Variants in UGT1A3 observed in about 807,000 individuals in gnomAD.
The protein encoded by UGT1A3 is UDP-glucuronosyltransferase 1A3.
Under a neutral mutation model 41.0 loss-of-function variants are expected in UGT1A3, and 31 were observed. That is an observed-to-expected ratio of 0.76 (90% CI 0.57 to 1.02). The LOEUF is 1.02. Among genes scored for constraint, UGT1A3 ranks in the 50% least tolerant of loss-of-function variants. UGT1A3 has a pLI of 0.00. For synonymous variants in UGT1A3, 262 were observed against 257.6 expected, an observed-to-expected ratio of 1.02 and a Z score of -0.17; for missense variants, 737 against 671.0, an observed-to-expected ratio of 1.10 and a Z score of -1.09.
At position 233,767,872 on chromosome 2, in the gene UGT1A3, C is replaced by G. The variant is rs997427896; in HGVS notation, c.1023C>G (p.Thr341=). The G allele has an allele frequency of 2.5e-6, 4 of 1,614,024 alleles. No homozygotes were observed. The highest frequency in any genetic ancestry group is 3.4e-6 in the Non-Finnish European group (4 of 1,180,044). ...PQTVLWRYTG[T]RPSNLANNTI... is the part of the protein sequence containing the mutation. The stretch of plus-strand genomic sequence containing the variant: ...AGGTCCTGTGGCGGTACACTGGAAC[C>G]CGACCATCGAATCTTGCGAACAACA... Residue 341 remains threonine (T), a synonymous_variant, in exon 3 of 5, where the codon ACC becomes ACG. Coordinates refer to ENST00000482026, the MANE Select transcript of UGT1A3 (RefSeq NM_019093.4).
chr2:233,743,976 C>T (rs2125858385), intron 1 of UGT1A3: 2 of 1,312,500 alleles, frequency 1.5e-6, no homozygotes, highest in African/African-American at 1.5e-5. Context: ...GCTGCCAGCA[C>T]CCAGGCGCAG....
At chr2:233,747,436 T>C (rs1449782015) in intron 1 of UGT1A3, 22 of 1,608,824 alleles carry the variant, frequency 1.4e-5, no homozygotes, top group African/African-American at 2.7e-5. Flanking sequence ...GAGAAATTTT[T>C]CACCCTGACA....
chr2:233,740,352 A>G (rs2125828871), intron 1 of UGT1A3, among the ~76,000 whole-genome samples: 1 of 152,070 alleles, frequency 6.6e-6, no homozygotes, highest in South Asian at 2.1e-4. Flanking sequence ...AGAAAGTGGA[A>G]TTAGAAATTC....
intron 1 of UGT1A3, chr2:233,755,008 C>T (rs1695684715): frequency 3.1e-6 from 4 of 1,292,406 alleles, no homozygotes; most frequent in African/African-American, 1.5e-5. Context: ...AAGACCTACT[C>T]GAAGGGGTCC....
intron 1 of UGT1A3, among the ~76,000 whole-genome samples, chr2:233,737,200 G>A (rs1173255293): frequency 1.3e-5 from 2 of 152,180 alleles, no homozygotes; most frequent in African/African-American, 4.8e-5. Context: ...GCTGAGCTGC[G>A]GTGGACTCTG....
At chr2:233,747,833 C>T (rs1236031323) in intron 1 of UGT1A3, 1 of 1,613,530 alleles carries the variant, frequency 6.2e-7, no homozygotes, top group Non-Finnish European at 8.5e-7. Context: ...ACATGACATT[C>T]CTGCAAAGGG....
chr2:233,771,170 G>A (rs1309098130), intron 4 of UGT1A3: 1 of 152,100 alleles, frequency 6.6e-6, no homozygotes, highest in African/African-American at 2.4e-5. Flanking sequence ...CCAGCACTGG[G>A]GATTACAATT....
rs367562116 is a variant in UGT1A3, at chr2:233,765,371, G to A, written c.868-1663G>A. On this transcript the variant is annotated intron_variant, in intron 1 of 4. Coordinates refer to ENST00000482026, the MANE Select transcript of UGT1A3 (RefSeq NM_019093.4). Reference sequence around the variant, plus strand: ...GGAACCAACCCAGATGCCCATCAATGGTAGATTGGATAAAGAAAATGTGGT... The same window carrying A: ...GGAACCAACCCAGATGCCCATCAATAGTAGATTGGATAAAGAAAATGTGGT... Among the ~76,000 whole-genome samples, 7 of 152,230 alleles carry A rather than the reference G, an allele frequency of 4.6e-5. No homozygotes were observed. In the South Asian group the frequency reaches 1.0e-3, roughly 23 times the overall value.
chr2:233,769,716 A>G lies in UGT1A3; in HGVS notation c.1307+1277A>G, dbSNP rs1255233011. 6.7e-7 allele frequency: 1 copy of G among 1,492,612 alleles called. No individual in the cohort carries two copies. Among genetic ancestry groups the G allele is most frequent in the East Asian group, 2.5e-5 (1 of 40,446 alleles). The allele number at this position is 1,492,612 out of a possible 1,614,324, so 92.5% of individuals were successfully genotyped here. A position where few individuals can be genotyped will look rare whatever the true frequency, so the allele number is the denominator to read the frequency against. Reference sequence around the variant, plus strand: ...GATAAAAGATCAATGTTGGCTAGGCACCATGGCACACGCCTGTAGTCCCAG... The same window carrying G: ...GATAAAAGATCAATGTTGGCTAGGCGCCATGGCACACGCCTGTAGTCCCAG... On this transcript the variant is annotated intron_variant, in intron 4 of 4. Coordinates refer to ENST00000482026, the MANE Select transcript of UGT1A3 (RefSeq NM_019093.4). The surrounding 1 kb of genome is among the most constrained non-coding windows in gnomAD (Gnocchi z 4.4).
intron 1 of UGT1A3, chr2:233,747,193 C>T (rs1693585956): frequency 1.9e-6 from 3 of 1,603,982 alleles, no homozygotes; most frequent in Non-Finnish European, 2.6e-6. Flanking sequence ...GGACAGTCAG[C>T]TGTCCGTGTC....
At chr2:233,737,915 A>C (rs986485881) in intron 1 of UGT1A3, among the ~76,000 whole-genome samples, 8 of 152,040 alleles carry the variant, frequency 5.3e-5, no homozygotes, top group Non-Finnish European at 8.8e-5. Context: ...AGAACAGGCT[A>C]GTGTATTTAG....
At chr2:233,751,564 T>G (rs1694753266) in intron 1 of UGT1A3, among the ~76,000 whole-genome samples, 2 of 152,188 alleles carry the variant, frequency 1.3e-5, no homozygotes, top group Non-Finnish European at 2.9e-5. Context: ...CATCTCAAAT[T>G]GTAATCTCCA....
rs1449948739 is a variant in UGT1A3 at position 233,729,131 on chromosome 2, C to A, written c.5C>A (p.Ala2Asp). Residue 2 changes from alanine to aspartate, a missense_variant, in exon 1 of 5, where the codon GCC (alanine) becomes GAC (aspartate). Physicochemically the swap from Ala to Asp is moderately radical, Grantham distance 126. Coordinates refer to ENST00000482026, the MANE Select transcript of UGT1A3 (RefSeq NM_019093.4). ...CTGTCCGTGTCTTCTGCTGAGATGG[C>A]CACAGGACTCCAGGTTCCCCTGCCG... M[A>D]TGLQVPLPWL... 1.2e-6 allele frequency: 2 copies of A among 1,613,182 alleles called. No homozygotes were observed. Among genetic ancestry groups the A allele is most frequent in the East Asian group, 4.5e-5 (2 of 44,884 alleles).
intron 1 of UGT1A3, among the ~76,000 whole-genome samples, chr2:233,737,754 T>C (rs1342701991): frequency 6.6e-6 from 1 of 152,182 alleles, no homozygotes; most frequent in Non-Finnish European, 1.5e-5. Context: ...AGTTTTTCAA[T>C]GTGAACATAT....
At chr2:233,755,317 G>C (rs1457699650) in intron 1 of UGT1A3, 17 of 525,588 alleles carry the variant, frequency 3.2e-5, no homozygotes, top group Non-Finnish European at 5.3e-5. Context: ...CGAGCGGCAA[G>C]GCTGCCAGCA....
chr2:233,770,944 A>T (rs905927558), intron 4 of UGT1A3: 3 of 152,138 alleles, frequency 2.0e-5, no homozygotes, highest in Non-Finnish European at 4.4e-5. Context: ...TGCCGGGGGA[A>T]CCTCAGGGAG....
intron 1 of UGT1A3, among the ~76,000 whole-genome samples, chr2:233,759,538 A>G (rs1009544779): frequency 6.6e-6 from 1 of 152,036 alleles, no homozygotes; most frequent in Non-Finnish European, 1.5e-5. Context: ...TTCTGTTCAC[A>G]TGCGCTCCAG....
chr2:233,745,551 C>G (rs548824716), intron 1 of UGT1A3, among the ~76,000 whole-genome samples: 2 of 151,716 alleles, frequency 1.3e-5, no homozygotes, highest in Admixed American at 6.5e-5. Context: ...GAACAAACTT[C>G]TAAGTTTATA....
rs8330 is a variant in UGT1A3 at position 233,772,999 on chromosome 2, G to C, written c.*440G>C. ...ATAATGGTCAGTCCTCATCTCTGTC[G>C]TGCTTCATAGGTGCCACCTTGTGTG... On this transcript the variant is annotated 3_prime_UTR_variant, in exon 5 of 5. Transcript: ENST00000482026. 179,059 of 238,554 alleles carry C rather than the reference G, an allele frequency of 0.75. 68,191 individuals carry two copies. Among genetic ancestry groups the C allele is most frequent in the East Asian group, 0.88 (8,737 of 9,894 alleles). The allele number at this position is 238,554 out of a possible 1,614,324, so 14.8% of individuals were successfully genotyped here.
Sources: allele counts gnomAD v4.1 joint callset (sites outside exome capture counted in the v4.1 genomes callset), GRCh38; gene constraint gnomAD v4.1.1; non-coding constraint Gnocchi (gnomAD v3.1); transcripts MANE v1.5; gene names NCBI Gene and HGNC (gene_info 2026-07-23, HGNC 2026-07-21).